Variants in DPP10 observed in about 807,000 individuals in gnomAD.
DPP10 encodes the protein dipeptidyl peptidase like 10.
Under a neutral mutation model 120.9 loss-of-function variants are expected in DPP10, and 33 were observed. That is an observed-to-expected ratio of 0.27 (90% CI 0.21 to 0.37). The LOEUF (loss-of-function observed/expected upper bound fraction) is 0.37. DPP10 is among the 10% of genes least tolerant of loss of function. The probability of loss-of-function intolerance (pLI) is 1.00; values close to 1 mark genes in which losing one functional copy is unlikely to be tolerated. For missense variants in DPP10, 816 were observed against 942.8 expected, an observed-to-expected ratio of 0.87 and a Z score of 1.76; for synonymous variants, 337 against 326.1, an observed-to-expected ratio of 1.03 and a Z score of -0.36.
At chr2:115,295,452 G>C (rs1303481464) in intron 1 of DPP10, among the ~76,000 whole-genome samples, 1 of 152,022 alleles carries the variant, frequency 6.6e-6, no homozygotes, top group Non-Finnish European at 1.5e-5. Context: ...TTCCTGAATT[G>C]CATAGTATAT....
intron 3 of DPP10, among the ~76,000 whole-genome samples, chr2:115,410,263 A>T (rs2068842783): frequency 6.6e-6 from 1 of 152,248 alleles, no homozygotes; most frequent in African/African-American, 2.4e-5. Context: ...GGATTAAGAA[A>T]ACGTAATACA....
chr2:115,789,907 C>A (rs958342286), intron 17 of DPP10, among the ~76,000 whole-genome samples: 3 of 152,096 alleles, frequency 2.0e-5, no homozygotes, highest in African/African-American at 7.2e-5. Context: ...ATGAATACCT[C>A]CTCTAAAATC....
At chr2:115,544,310 C>T (rs1473317430) in intron 5 of DPP10, among the ~76,000 whole-genome samples, 1 of 151,974 alleles carries the variant, frequency 6.6e-6, no homozygotes, top group Non-Finnish European at 1.5e-5. Context: ...TACATATAAA[C>T]CTCCTGGGCT....
At chr2:114,791,922 T>G (rs1683283147) in intron 1 of DPP10, among the ~76,000 whole-genome samples, 1 of 152,230 alleles carries the variant, frequency 6.6e-6, no homozygotes, top group Non-Finnish European at 1.5e-5. Context: ...GTTGTATCAC[T>G]GAATCAGCCT....
chr2:114,712,041 T>C (rs1701060514), intron 1 of DPP10, among the ~76,000 whole-genome samples: 1 of 152,162 alleles, frequency 6.6e-6, no homozygotes, highest in African/African-American at 2.4e-5. Context: ...ACATTCTGGC[T>C]GGGCACGGTG....
chr2:115,252,576 C>T (rs547062978), intron 1 of DPP10, among the ~76,000 whole-genome samples: 5 of 152,142 alleles, frequency 3.3e-5, no homozygotes, highest in Non-Finnish European at 5.9e-5. Flanking sequence ...TTGAGAACAT[C>T]GTTTTCCCTC....
chr2:114,943,305 G>A (rs545138184), intron 1 of DPP10, among the ~76,000 whole-genome samples: 1 of 151,852 alleles, frequency 6.6e-6, no homozygotes, highest in Non-Finnish European at 1.5e-5. Context: ...ACGGAATCTT[G>A]CTCTGTCACC....
intron 4 of DPP10, among the ~76,000 whole-genome samples, chr2:115,507,508 T>C (rs2077010560): frequency 6.6e-6 from 1 of 152,252 alleles, no homozygotes; most frequent in Admixed American, 6.5e-5. Flanking sequence ...CATTTCAAGG[T>C]CAAATTGAAG....
chr2:115,115,305 G>A (rs2049444339), intron 1 of DPP10, among the ~76,000 whole-genome samples: 1 of 152,054 alleles, frequency 6.6e-6, no homozygotes, highest in Non-Finnish European at 1.5e-5. Context: ...GGCTTGCCTG[G>A]GCTTCTGTGT....
In DPP10 at chr2:114,519,319, A is replaced by G. The variant is rs143452494; in HGVS notation, c.60+76481A>G. Among the ~76,000 whole-genome samples, 436 of 152,324 alleles carry G rather than the reference A, an allele frequency of 2.9e-3. 3 individuals carry two copies. The highest frequency in any genetic ancestry group is 9.7e-3 in the African/African-American group (403 of 41,576). On this transcript the variant is annotated intron_variant, in intron 1 of 25. Coordinates refer to ENST00000410059, the MANE Select transcript of DPP10 (RefSeq NM_020868.6). ...TCCAGGCCTCACCCCATCTGTCACT[A>G]CAGAAGAACTGTTTACGAGACCTCA... is the stretch of plus-strand genomic sequence containing the variant.
intron 5 of DPP10, among the ~76,000 whole-genome samples, chr2:115,531,758 C>A (rs2078480406): frequency 6.6e-6 from 1 of 152,086 alleles, no homozygotes; most frequent in African/African-American, 2.4e-5. Context: ...GGTGCCATCA[C>A]CCAGATAAAG....
At chr2:114,614,540 T>A (rs546179115) in intron 1 of DPP10, among the ~76,000 whole-genome samples, 48 of 152,302 alleles carry the variant, frequency 3.2e-4, no homozygotes, top group Non-Finnish European at 3.8e-4. Context: ...TATTCACACA[T>A]CTAATTAACC....
chr2:115,693,118 T>C (rs1247026991), intron 7 of DPP10, among the ~76,000 whole-genome samples: 1 of 152,308 alleles, frequency 6.6e-6, no homozygotes, highest in East Asian at 1.9e-4. Flanking sequence ...ATTATAGACA[T>C]TATATTTGCT....
At chr2:115,703,493 G>C (rs2091973955) in intron 7 of DPP10, among the ~76,000 whole-genome samples, 1 of 151,996 alleles carries the variant, frequency 6.6e-6, no homozygotes, top group Admixed American at 6.6e-5. Flanking sequence ...CAGCAGGCTG[G>C]ACAAGTATTA....
chr2:114,484,065 C>A (rs763521283), intron 1 of DPP10, among the ~76,000 whole-genome samples: 4 of 152,058 alleles, frequency 2.6e-5, no homozygotes, highest in Non-Finnish European at 4.4e-5. Context: ...AGGCAGATAC[C>A]ACTGAGGGTA....
chr2:114,820,899 T>C (rs1485295783), intron 1 of DPP10, among the ~76,000 whole-genome samples: 4 of 152,184 alleles, frequency 2.6e-5, no homozygotes, highest in Non-Finnish European at 5.9e-5. Flanking sequence ...ATGATATGTC[T>C]CCGATGAGTG....
intron 1 of DPP10, among the ~76,000 whole-genome samples, chr2:114,932,292 C>G (rs944773119): frequency 6.6e-6 from 1 of 152,136 alleles, no homozygotes; most frequent in Non-Finnish European, 1.5e-5. Flanking sequence ...TCCTGTAGCC[C>G]AACAATTTCA....
chr2:115,571,186 A>G (rs530815318), intron 5 of DPP10, among the ~76,000 whole-genome samples: 4 of 152,310 alleles, frequency 2.6e-5, no homozygotes, highest in East Asian at 3.9e-4. Flanking sequence ...AAAACTATCA[A>G]AGTAGCCAAT....
intron 3 of DPP10, among the ~76,000 whole-genome samples, chr2:115,358,902 C>T (rs145107307): frequency 0.015 from 2,268 of 152,216 alleles, 26 homozygotes; most frequent in South Asian, 0.037. Flanking sequence ...AGAACTCACT[C>T]ACTATCACAA....
Sources: gnomAD v4.1 joint callset for allele counts (sites outside exome capture counted in the v4.1 genomes callset) on GRCh38, gnomAD v4.1.1 for gene constraint, MANE v1.5 for transcripts, NCBI Gene and HGNC (gene_info 2026-07-23, HGNC 2026-07-21) for gene names.